Variants in C1QL3 observed in about 807,000 individuals in gnomAD.
C1QL3 encodes complement C1q-like protein 3.
In C1QL3, 4 loss-of-function variants were observed where a neutral mutation model predicts 16.6. The observed-to-expected ratio is 0.24, with a 90% CI of 0.12 to 0.55. C1QL3 has a LOEUF of 0.55. C1QL3 is among the 20% of genes least tolerant of loss of function. The pLI, the probability that C1QL3 is intolerant of heterozygous loss-of-function variation, is 0.94. For missense variants in C1QL3, 269 were observed against 365.6 expected, an observed-to-expected ratio of 0.74 and a Z score of 2.16; for synonymous variants, 189 against 160.2, an observed-to-expected ratio of 1.18 and a Z score of -1.36.
rs559483550 is a variant in C1QL3, at chr10:16,514,119, C to A, written c.*409G>T. 34 of 394,086 alleles carry A rather than the reference C, an allele frequency of 8.6e-5. No homozygotes were observed. Among genetic ancestry groups the A allele is most frequent in the Non-Finnish European group, 1.4e-4 (31 of 223,222 alleles). The allele number at this position is 394,086 out of a possible 1,614,324, so 24.4% of individuals were successfully genotyped here. A position where few individuals can be genotyped will look rare whatever the true frequency, so the allele number is the denominator to read the frequency against. ...TTCTTCCCCACACTATGAATGGACTCCAAGTATCATAATAAGCAGGTAAAC... is the reference window on the plus strand; with the variant it reads ...TTCTTCCCCACACTATGAATGGACTACAAGTATCATAATAAGCAGGTAAAC... On this transcript the variant is annotated 3_prime_UTR_variant, in exon 2 of 2. Coordinates refer to ENST00000298943, the MANE Select transcript of C1QL3 (RefSeq NM_001010908.2).
Position 16,520,480 on chromosome 10 carries a change from G to C in C1QL3, c.586C>G (p.Gln196Glu). The C allele has an allele frequency of 1.3e-6, 2 of 1,557,710 alleles. No homozygotes were observed. The highest frequency in any genetic ancestry group is 2.5e-5 in the East Asian group (1 of 39,412). Residue 196 changes from glutamine (Q) to glutamate (E), a missense_variant and splice_region_variant, in exon 1 of 2, where the codon CAG becomes GAG. Gln to Glu is a conservative substitution (Grantham distance 29). Coordinates refer to ENST00000298943, the MANE Select transcript of C1QL3 (RefSeq NM_001010908.2). This position sits in a 1 kb window ranked among gnomAD's most constrained non-coding sequence, Gnocchi z 8.3. ...SMWADLCKNN[Q>E]VRASAIAQDA... ...CCCCGCCGCCCGCCCGCGCTCACCTGGTTGTTTTTGCAGAGATCAGCCCAC... is the reference window on the plus strand; with the variant it reads ...CCCCGCCGCCCGCCCGCGCTCACCTCGTTGTTTTTGCAGAGATCAGCCCAC...
chr10:16,519,938 G>A (rs1420412102), intron 1 of C1QL3, among the ~76,000 whole-genome samples: 1 of 152,160 alleles, frequency 6.6e-6, no homozygotes, highest in East Asian at 1.9e-4. Flanking sequence ...AGGACTCGGC[G>A]ACGGCGAGCC....
In C1QL3 at chr10:16,519,520, C is replaced by G. The variant is rs552436475; in HGVS notation, c.588+958G>C. The stretch of plus-strand genomic sequence containing the variant: ...TACAAATATTATTTTCCTCCTTTGA[C>G]TAAGAGATCAAACAAGCTTCGGTTT... On this transcript the variant is annotated intron_variant, in intron 1 of 1. Coordinates refer to ENST00000298943, the MANE Select transcript of C1QL3 (RefSeq NM_001010908.2). 9.2e-5 allele frequency among the ~76,000 whole-genome samples: 14 copies of G among 152,258 alleles called. No homozygotes were observed. The South Asian group carries it at 2.9e-3, about 32-fold the overall frequency.
In C1QL3 at chr10:16,520,058, C is replaced by T. The variant is rs1027825086; in HGVS notation, c.588+420G>A. The stretch of plus-strand genomic sequence containing the variant: ...CACCCCCGAGTCGGTCACCCTGCCA[C>T]GCCCATTCCGGACTCCCCCAGGCCT... On this transcript the variant is annotated intron_variant, in intron 1 of 1. Transcript: ENST00000298943. This position sits in a 1 kb window ranked among gnomAD's most constrained non-coding sequence, Gnocchi z 8.3. 6.6e-6 allele frequency among the ~76,000 whole-genome samples: 1 copy of T among 152,144 alleles called. No homozygotes were observed. The highest frequency in any genetic ancestry group is 2.1e-4 in the South Asian group (1 of 4,812).
In C1QL3 at chr10:16,520,743, G is replaced by T; in HGVS notation, c.323C>A (p.Pro108His). 7.0e-7 allele frequency: 1 copy of T among 1,429,024 alleles called. No individual in the cohort carries two copies. Among genetic ancestry groups the T allele is most frequent in the Non-Finnish European group, 9.2e-7 (1 of 1,088,728 alleles). The allele number at this position is 1,429,024 out of a possible 1,614,324, so 88.5% of individuals were successfully genotyped here. A position where few individuals can be genotyped will look rare whatever the true frequency, so the allele number is the denominator to read the frequency against. ...RQGLPGPPGA[P>H]GLNAAGAISA... ...GATGGCCCCGGCCGCGTTCAGGCCGGGCGCCCCGGGCGGGCCCGGCAGGCC... is the reference window on the plus strand; with the variant it reads ...GATGGCCCCGGCCGCGTTCAGGCCGTGCGCCCCGGGCGGGCCCGGCAGGCC... Residue 108 changes from proline to histidine, a missense_variant, in exon 1 of 2, where the codon CCC becomes CAC. Pro to His is a moderately conservative substitution (Grantham distance 77). Coordinates refer to ENST00000298943, the MANE Select transcript of C1QL3 (RefSeq NM_001010908.2). This position sits in a 1 kb window ranked among gnomAD's most constrained non-coding sequence, Gnocchi z 8.3.
intron 1 of C1QL3, among the ~76,000 whole-genome samples, chr10:16,518,475 G>A (rs1312556326): frequency 6.6e-6 from 1 of 152,114 alleles, no homozygotes; most frequent in African/African-American, 2.4e-5. Flanking sequence ...GAATGTGTGT[G>A]CTAGTGTGAT....
chr10:16,520,439 G>A lies in C1QL3; in HGVS notation c.588+39C>T. 1 of 1,322,972 alleles carries A rather than the reference G, an allele frequency of 7.6e-7. No homozygotes were observed. Among genetic ancestry groups the A allele is most frequent in the Non-Finnish European group, 1.0e-6 (1 of 968,884 alleles). 82.0% of individuals were successfully genotyped at this position (1,322,972 alleles called of 1,614,324 possible). A position where few individuals can be genotyped will look rare whatever the true frequency, so the allele number is the denominator to read the frequency against. On this transcript the variant is annotated intron_variant, in intron 1 of 1. Coordinates refer to ENST00000298943, the MANE Select transcript of C1QL3 (RefSeq NM_001010908.2). This position sits in a 1 kb window ranked among gnomAD's most constrained non-coding sequence, Gnocchi z 8.3. ...CTCCCTCTCGCCCGCACCTTCCCGC[G>A]CTCCCTCCCCGCCCTCCCCGCCGCC...
chr10:16,514,797 C>G lies in C1QL3; in HGVS notation c.589-90G>C. ...TCATGTAGCATCACAAGCTGACTTG[C>G]TGCCATAGTACAGAATTTAGCATAG... On this transcript the variant is annotated intron_variant, in intron 1 of 1. Coordinates refer to ENST00000298943, the MANE Select transcript of C1QL3 (RefSeq NM_001010908.2). 6 of 929,284 alleles carry G rather than the reference C, an allele frequency of 6.5e-6. No individual in the cohort carries two copies. In the South Asian group the frequency reaches 8.3e-5, roughly 13 times the overall value. The allele number at this position is 929,284 out of a possible 1,614,324, so 57.6% of individuals were successfully genotyped here.
Position 16,514,216 on chromosome 10 carries a change from A to AAG in C1QL3, c.*310_*311dup, listed in dbSNP as rs1836912844. 3 of 430,740 alleles carry AAG rather than the reference A, an allele frequency of 7.0e-6. No homozygotes were observed. Among genetic ancestry groups the AAG allele is most frequent in the Non-Finnish European group, 1.2e-5 (3 of 246,174 alleles). 26.7% of individuals were successfully genotyped at this position (430,740 alleles called of 1,614,324 possible). On this transcript the variant is annotated 3_prime_UTR_variant, in exon 2 of 2. Transcript: ENST00000298943. Reference sequence around the variant, plus strand: ...GTACACCAAAGTATCATATATATAGAAGAAATAATTCAATGTCTTAGATTT... The same window carrying AAG: ...GTACACCAAAGTATCATATATATAGAAGAGAAATAATTCAATGTCTTAGATTT...
chr10:16,519,937 C>T (rs548231851), intron 1 of C1QL3, among the ~76,000 whole-genome samples: 4 of 152,194 alleles, frequency 2.6e-5, no homozygotes, highest in Non-Finnish European at 2.9e-5. Flanking sequence ...AAGGACTCGG[C>T]GACGGCGAGC....
intron 1 of C1QL3, among the ~76,000 whole-genome samples, chr10:16,517,352 A>T (rs1349628470): frequency 6.6e-6 from 1 of 152,226 alleles, no homozygotes; most frequent in African/African-American, 2.4e-5. Flanking sequence ...TCATCCTTTT[A>T]AAAATATTTC....
rs895675340 is a variant in C1QL3 at position 16,521,724 on chromosome 10, A to AGCGGCG, written c.-665_-660dup. 2 of 152,602 alleles carry AGCGGCG rather than the reference A, an allele frequency of 1.3e-5. No individual in the cohort carries two copies. The highest frequency in any genetic ancestry group is 2.9e-5 in the Non-Finnish European group (2 of 68,618). 9.5% of individuals were successfully genotyped at this position (152,602 alleles called of 1,614,324 possible). A position where few individuals can be genotyped will look rare whatever the true frequency, so the allele number is the denominator to read the frequency against. ...GCCCGGGCGTCCCCCGGGTGCGCCC[A>AGCGGCG]GCGGCGGCGGCGGCGGGCACGGTCG... On this transcript the variant is annotated 5_prime_UTR_variant, in exon 1 of 2. Transcript: ENST00000298943.
At chr10:16,518,337 A>G (rs932639956) in intron 1 of C1QL3, among the ~76,000 whole-genome samples, 2 of 152,208 alleles carry the variant, frequency 1.3e-5, no homozygotes, top group South Asian at 2.1e-4. Context: ...GTTTACCACT[A>G]TAGATTTATT....
chr10:16,514,205 C>CATATAT lies in C1QL3; in HGVS notation c.*317_*322dup, dbSNP rs34471233. On this transcript the variant is annotated 3_prime_UTR_variant, in exon 2 of 2. Transcript: ENST00000298943. ...GCAAGATCACAGTACACCAAAGTAT[C>CATATAT]ATATATATAGAAGAAATAATTCAAT... 2.4e-6 allele frequency: 1 copy of CATATAT among 416,164 alleles called. No homozygotes were observed. Among genetic ancestry groups the CATATAT allele is most frequent in the Non-Finnish European group, 4.2e-6 (1 of 237,196 alleles). The allele number at this position is 416,164 out of a possible 1,614,324, so 25.8% of individuals were successfully genotyped here.
rs766644029 is a variant in C1QL3, at chr10:16,514,482, G to A, written c.*46C>T. 9 of 1,536,054 alleles carry A rather than the reference G, an allele frequency of 5.9e-6. No homozygotes were observed. The South Asian group carries it at 7.1e-5, about 12-fold the overall frequency. Reference sequence around the variant, plus strand: ...CTTGATTCACTGACGTTAGCCATACGAATCCAGTGTTCAAACTCAGAATAA... The same window carrying A: ...CTTGATTCACTGACGTTAGCCATACAAATCCAGTGTTCAAACTCAGAATAA... On this transcript the variant is annotated 3_prime_UTR_variant, in exon 2 of 2. Transcript: ENST00000298943.
At position 16,513,816 on chromosome 10, in the gene C1QL3, T is replaced by G. The variant is rs1836903310; in HGVS notation, c.*712A>C. The G allele has an allele frequency of 6.5e-6, 1 of 152,756 alleles. No individual in the cohort carries two copies. The highest frequency in any genetic ancestry group is 2.1e-4 in the South Asian group (1 of 4,836). 9.5% of individuals were successfully genotyped at this position (152,756 alleles called of 1,614,324 possible). A position where few individuals can be genotyped will look rare whatever the true frequency, so the allele number is the denominator to read the frequency against. On this transcript the variant is annotated 3_prime_UTR_variant, in exon 2 of 2. Coordinates refer to ENST00000298943, the MANE Select transcript of C1QL3 (RefSeq NM_001010908.2). ...TAAATACCGTACATAATTACACATT[T>G]TCACACTTAGAGGGTAATCCTATGA...
chr10:16,514,490 T>TG lies in C1QL3; in HGVS notation c.*37dup. The TG allele has an allele frequency of 6.4e-7, 1 of 1,564,416 alleles. No individual in the cohort carries two copies. The highest frequency in any genetic ancestry group is 8.8e-7 in the Non-Finnish European group (1 of 1,142,214). On this transcript the variant is annotated 3_prime_UTR_variant, in exon 2 of 2. Coordinates refer to ENST00000298943, the MANE Select transcript of C1QL3 (RefSeq NM_001010908.2). The stretch of plus-strand genomic sequence containing the variant: ...ACTGACGTTAGCCATACGAATCCAG[T>TG]GTTCAAACTCAGAATAATAAGCTTA...
chr10:16,519,831 C>G (rs139999915), intron 1 of C1QL3, among the ~76,000 whole-genome samples: 5 of 152,190 alleles, frequency 3.3e-5, no homozygotes, highest in Admixed American at 3.3e-4. Context: ...ATCAGCACTC[C>G]TTGCCTCTCC....
chr10:16,519,140 C>CTTTTTTGTTTTTTTTTTTTTTTTTTTTTT (rs1836996831), intron 1 of C1QL3, among the ~76,000 whole-genome samples: 1 of 39,476 alleles, frequency 2.5e-5, no homozygotes, highest in African/African-American at 1.5e-4. Flanking sequence ...GCATTTAGGA[C>CTTTTTTGTTTTTTTTTTTTTTTTTTTTTT]TTTTTTTTTT....
Sources: gnomAD v4.1 joint callset for allele counts (sites outside exome capture counted in the v4.1 genomes callset) on GRCh38, gnomAD v4.1.1 for gene constraint, Gnocchi (gnomAD v3.1) non-coding constraint, MANE v1.5 for transcripts, NCBI Gene and HGNC (gene_info 2026-07-23, HGNC 2026-07-21) for gene names.